USP45: variants seen among roughly 807,000 people sequenced by gnomAD.
The protein encoded by USP45 is ubiquitin carboxyl-terminal hydrolase 45.
Under a neutral mutation model 95.8 loss-of-function variants are expected in USP45, and 89 were observed. That is an observed-to-expected ratio of 0.93 (90% CI 0.78 to 1.11). The LOEUF (loss-of-function observed/expected upper bound fraction) is 1.11. Ranked by LOEUF, USP45 falls within the 50% of genes least tolerant of loss-of-function variation. The probability of loss-of-function intolerance (pLI) is 0.00; values close to 1 mark genes in which losing one functional copy is unlikely to be tolerated. For synonymous variants in USP45, 281 were observed against 316.2 expected, an observed-to-expected ratio of 0.89 and a Z score of 1.18; for missense variants, 898 against 942.5, an observed-to-expected ratio of 0.95 and a Z score of 0.62.
intron 13 of USP45, among the ~76,000 whole-genome samples, chr6:99,455,030 C>T (rs1784707014): frequency 6.9e-6 from 1 of 145,698 alleles, no homozygotes; most frequent in African/African-American, 2.5e-5. Context: ...GTGGAGGTTG[C>T]AGTGAGCCAA....
chr6:99,447,054 T>A (rs1782694213), intron 13 of USP45, among the ~76,000 whole-genome samples: 1 of 151,938 alleles, frequency 6.6e-6, no homozygotes. Flanking sequence ...TGTTCATTTT[T>A]AAACACTGAA....
intron 13 of USP45, among the ~76,000 whole-genome samples, chr6:99,449,236 A>G (rs1783275140): frequency 6.6e-6 from 1 of 151,976 alleles, no homozygotes; most frequent in South Asian, 2.1e-4. Flanking sequence ...AACTGCATAA[A>G]GAGTCAAGAC....
intron 16 of USP45, among the ~76,000 whole-genome samples, chr6:99,439,058 A>G (rs1424888249): frequency 6.6e-6 from 1 of 152,258 alleles, no homozygotes; most frequent in Non-Finnish European, 1.5e-5. Flanking sequence ...CTGTAATTCA[A>G]CCAAAAATTG....
intron 14 of USP45, 120 bp from the exon 15 acceptor site, chr6:99,443,782 T>G (rs1781962137): frequency 1.2e-5 from 8 of 653,440 alleles, no homozygotes; most frequent in Non-Finnish European, 1.9e-5. Flanking sequence ...AAATTGGACT[T>G]CTGATGAAAG....
At chr6:99,466,262 C>T (rs143875274) in intron 11 of USP45, among the ~76,000 whole-genome samples, 3,928 of 152,180 alleles carry the variant, frequency 0.026, 192 homozygotes, top group African/African-American at 0.09. Context: ...TCAAGTGATC[C>T]GCCGGCCTTG....
Position 99,446,268 on chromosome 6 carries a change from C to G in USP45, c.1504G>C (p.Asp502His), listed in dbSNP as rs190722362. The change falls in exon 14 of 18, where the codon GAT becomes CAT. Residue 502 changes from aspartate (D) to histidine (H), a missense_variant. By Grantham distance (81) the Asp-to-His change is moderately conservative. Transcript: ENST00000500704. The part of the protein sequence containing the change: ...KEASHSESNV[D>H]ADSEPSESES... The stretch of plus-strand genomic sequence containing the variant: ...GATTCTGAAGGCTCACTGTCAGCAT[C>G]AACATTGCTTTCAGAATGGCTGGCT... 3.7e-6 allele frequency: 6 copies of G among 1,614,198 alleles called. No individual in the cohort carries two copies. In the Admixed American group the frequency reaches 6.7e-5, roughly 18 times the overall value.
At chr6:99,501,573 A>AT (rs1328122426) in intron 5 of USP45, among the ~76,000 whole-genome samples, 1 of 152,112 alleles carries the variant, frequency 6.6e-6, no homozygotes, top group African/African-American at 2.4e-5. Flanking sequence ...ATATATTTGC[A>AT]TTTTTTGCTT....
intron 15 of USP45, 89 bp downstream of exon 15, chr6:99,443,476 G>T: frequency 1.2e-6 from 1 of 802,660 alleles, no homozygotes; most frequent in Non-Finnish European, 1.9e-6. Flanking sequence ...TAAGTTACTG[G>T]TTATTGTCTA....
At chr6:99,504,355 G>C (rs1280542782) in intron 4 of USP45, among the ~76,000 whole-genome samples, 1 of 152,112 alleles carries the variant, frequency 6.6e-6, no homozygotes, top group Non-Finnish European at 1.5e-5. Context: ...GGTCAGACTG[G>C]TCTCGAATGC....
At chr6:99,436,067 T>C (rs907626014) in intron 17 of USP45, among the ~76,000 whole-genome samples, 1 of 151,960 alleles carries the variant, frequency 6.6e-6, no homozygotes, top group Non-Finnish European at 1.5e-5. Flanking sequence ...GTTTGTTACA[T>C]AGGTATACAT....
chr6:99,468,521 C>CA lies in USP45; in HGVS notation c.1015+15dup, dbSNP rs771548902. 4.6e-6 allele frequency: 7 copies of CA among 1,529,578 alleles called. No individual in the cohort carries two copies. Among genetic ancestry groups the CA allele is most frequent in the Non-Finnish European group, 5.3e-6 (6 of 1,121,662 alleles). 94.8% of individuals were successfully genotyped at this position (1,529,578 alleles called of 1,614,324 possible). A position where few individuals can be genotyped will look rare whatever the true frequency, so the allele number is the denominator to read the frequency against. On this transcript the variant is annotated intron_variant, in intron 10 of 17. Transcript: ENST00000500704. ...ATTTTCTTAAAGAAAAAAGTTTTAA[C>CA]AAAGAGTCAACATACCTTTGACTTT...
intron 7 of USP45, among the ~76,000 whole-genome samples, chr6:99,484,027 A>ATTTTTTT (rs1295214435): frequency 0.031 from 268 of 8,554 alleles, 3 homozygotes; most frequent in Non-Finnish European, 0.045. Context: ...TTTTTTTTTA[A>ATTTTTTT]AGAGACAGGG....
intron 13 of USP45, among the ~76,000 whole-genome samples, chr6:99,460,407 A>C (rs1786134405): frequency 6.6e-6 from 1 of 152,162 alleles, no homozygotes; most frequent in African/African-American, 2.4e-5. Context: ...CCCAAGAGTA[A>C]ATTGAGCCAA....
intron 5 of USP45, among the ~76,000 whole-genome samples, chr6:99,490,850 G>C (rs1795015916): frequency 6.6e-6 from 1 of 152,186 alleles, no homozygotes; most frequent in Non-Finnish European, 1.5e-5. Flanking sequence ...GATTACAGGT[G>C]TGAGCCACCG....
intron 1 of USP45, among the ~76,000 whole-genome samples, chr6:99,511,318 A>AC (rs1554257758): frequency 6.6e-6 from 1 of 150,700 alleles, no homozygotes; most frequent in African/African-American, 2.4e-5. Context: ...GGCTTGGCTA[A>AC]TTTTTTTTGC....
intron 5 of USP45, among the ~76,000 whole-genome samples, chr6:99,498,493 A>G (rs1796759675): frequency 6.6e-6 from 1 of 152,232 alleles, no homozygotes; most frequent in Admixed American, 6.5e-5. Context: ...TGTGCTGCAC[A>G]GACACTGAGT....
At chr6:99,500,703 T>C (rs1040370668) in intron 5 of USP45, among the ~76,000 whole-genome samples, 3 of 152,214 alleles carry the variant, frequency 2.0e-5, no homozygotes, top group Non-Finnish European at 2.9e-5. Flanking sequence ...TCAGTTCCAG[T>C]AGTGTTACAA....
At chr6:99,509,422 G>C (rs2128811072) in intron 2 of USP45, among the ~76,000 whole-genome samples, 1 of 152,228 alleles carries the variant, frequency 6.6e-6, no homozygotes, top group South Asian at 2.1e-4. Context: ...GTGTGTTTGT[G>C]TATAGCTGTA....
intron 5 of USP45, among the ~76,000 whole-genome samples, chr6:99,490,476 A>G (rs1049616429): frequency 2.6e-5 from 4 of 151,948 alleles, no homozygotes; most frequent in African/African-American, 4.8e-5. Flanking sequence ...CACCGTAGCC[A>G]GCCAGCCCTT....
Sources: allele counts gnomAD v4.1 joint callset (sites outside exome capture counted in the v4.1 genomes callset), GRCh38; gene constraint gnomAD v4.1.1; transcripts MANE v1.5; gene names NCBI Gene and HGNC (gene_info 2026-07-23, HGNC 2026-07-21).